Variants in ENOX1 observed in about 807,000 individuals in gnomAD.
The protein encoded by ENOX1 is ecto-NOX disulfide-thiol exchanger 1, also known as candidate growth-related and time keeping constitutive hydroquinone (NADH) oxidase.
Under a neutral mutation model 82.5 loss-of-function variants are expected in ENOX1, and 42 were observed. That is an observed-to-expected ratio of 0.51 (90% CI 0.40 to 0.66). The LOEUF (loss-of-function observed/expected upper bound fraction) is 0.66, where lower values mean the gene tolerates loss of function less well. ENOX1 is among the 30% of genes least tolerant of loss of function. The pLI is 0.00. For synonymous variants in ENOX1, 271 were observed against 282.2 expected (o/e 0.96, Z 0.40); for missense variants, 608 against 811.6 (o/e 0.75, Z 3.05).
intron 2 of ENOX1, among the ~76,000 whole-genome samples, chr13:43,554,555 T>G (rs1178654664): frequency 6.6e-6 from 1 of 152,130 alleles, no homozygotes; most frequent in African/African-American, 2.4e-5. Flanking sequence ...AGTAACTGGT[T>G]TCAAAGCTAG....
chr13:43,247,870 TATATATATATA>T (rs2043206357), intron 14 of ENOX1, among the ~76,000 whole-genome samples: 1 of 2,446 alleles, frequency 4.1e-4, no homozygotes, highest in Non-Finnish European at 8.1e-4. Context: ...TATATATATA[TATATATATATA>T]TATTTTTTTT....
intron 14 of ENOX1, among the ~76,000 whole-genome samples, chr13:43,242,436 G>A (rs12853905): frequency 0.097 from 14,720 of 152,188 alleles, 825 homozygotes; most frequent in Non-Finnish European, 0.13. Flanking sequence ...TTTCATTCTC[G>A]TGGGTTCAGC....
intron 2 of ENOX1, among the ~76,000 whole-genome samples, chr13:43,562,374 C>T (rs899030775): frequency 2.6e-5 from 4 of 151,636 alleles, no homozygotes; most frequent in Admixed American, 6.6e-5. Flanking sequence ...TAAAAAAATA[C>T]AATAGATACA....
chr13:43,463,746 CT>C (rs1324995433), intron 3 of ENOX1, among the ~76,000 whole-genome samples: 1 of 152,152 alleles, frequency 6.6e-6, no homozygotes, highest in Non-Finnish European at 1.5e-5. Context: ...CAATGCTTTT[CT>C]TTTAAACTGG....
chr13:43,387,216 G>T (rs1389143281), intron 5 of ENOX1, among the ~76,000 whole-genome samples: 1 of 152,178 alleles, frequency 6.6e-6, no homozygotes, highest in East Asian at 1.9e-4. Flanking sequence ...TTCAGATTGT[G>T]CTAAGTGCCA....
At chr13:43,273,540 C>T (rs2044820664) in intron 12 of ENOX1, among the ~76,000 whole-genome samples, 1 of 152,170 alleles carries the variant, frequency 6.6e-6, no homozygotes, top group African/African-American at 2.4e-5. Flanking sequence ...TAAGCACCAC[C>T]TCAAATGTTG....
chr13:43,458,567 T>C (rs573285436), intron 3 of ENOX1: 6 of 152,198 alleles, frequency 3.9e-5, no homozygotes, highest in Non-Finnish European at 7.3e-5. Flanking sequence ...TATTGATATA[T>C]TGATTATATT....
At chr13:43,652,036 G>C (rs907059466) in intron 2 of ENOX1, among the ~76,000 whole-genome samples, 16 of 149,954 alleles carry the variant, frequency 1.1e-4, no homozygotes, top group African/African-American at 3.9e-4. Flanking sequence ...TATTCTGTAA[G>C]TGAAGGCCTC....
intron 11 of ENOX1, among the ~76,000 whole-genome samples, chr13:43,309,908 T>A (rs1358366676): frequency 6.6e-6 from 1 of 152,104 alleles, no homozygotes; most frequent in Non-Finnish European, 1.5e-5. Flanking sequence ...AGAGCCTCCT[T>A]AAAAATCCTC....
rs146812251 is a variant in ENOX1, at chr13:43,453,460, A to T, written c.-75+30549T>A. Reference sequence around the variant, plus strand: ...TAGAGATGTTTAGCACTGGGTCATGACAGAGTGGATTTCACCTTTAATGGA... The same window carrying T: ...TAGAGATGTTTAGCACTGGGTCATGTCAGAGTGGATTTCACCTTTAATGGA... On this transcript the variant is annotated intron_variant, in intron 3 of 16. Coordinates refer to ENST00000690772, the MANE Select transcript of ENOX1 (RefSeq NM_001347969.2). 1.0e-3 allele frequency among the ~76,000 whole-genome samples: 153 copies of T among 152,296 alleles called. 1 individual carries two copies. The East Asian group carries it at 0.027, about 26-fold the overall frequency.
intron 12 of ENOX1, among the ~76,000 whole-genome samples, chr13:43,292,213 G>A (rs2046037015): frequency 6.6e-6 from 1 of 152,122 alleles, no homozygotes; most frequent in South Asian, 2.1e-4. Flanking sequence ...AGAAGATACT[G>A]CACCCATAAA....
intron 3 of ENOX1, among the ~76,000 whole-genome samples, chr13:43,479,317 A>G (rs1261433137): frequency 3.2e-5 from 4 of 125,152 alleles, no homozygotes; most frequent in Admixed American, 3.0e-4. Flanking sequence ...CTTGGTGAAA[A>G]GCAAGTGAAA....
At chr13:43,729,264 T>C (rs2089181403) in intron 1 of ENOX1, among the ~76,000 whole-genome samples, 2 of 152,216 alleles carry the variant, frequency 1.3e-5, no homozygotes, top group Admixed American at 6.5e-5. Context: ...TCTATTTAAC[T>C]CAGATTACAC....
In ENOX1 at chr13:43,213,287, A is replaced by G. The variant is rs1170431047; in HGVS notation, c.*703T>C. ...GTTTTTCCTTTATTTACACTTTATG[A>G]AAACTGTTATGCAGTCCATGTTAAA... On this transcript the variant is annotated 3_prime_UTR_variant, in exon 17 of 17. Transcript: ENST00000690772. Among the ~76,000 whole-genome samples, 1 of 152,160 alleles carries G rather than the reference A, an allele frequency of 6.6e-6. No individual in the cohort carries two copies. Among genetic ancestry groups the G allele is most frequent in the Non-Finnish European group, 1.5e-5 (1 of 67,992 alleles).
At chr13:43,558,112 G>C (rs1391919166) in intron 2 of ENOX1, among the ~76,000 whole-genome samples, 1 of 152,188 alleles carries the variant, frequency 6.6e-6, no homozygotes, top group Non-Finnish European at 1.5e-5. Context: ...CTGAGAGCTG[G>C]GAAACCAACC....
At chr13:43,454,396 C>T (rs1459750520) in intron 3 of ENOX1, among the ~76,000 whole-genome samples, 1 of 152,074 alleles carries the variant, frequency 6.6e-6, no homozygotes. Flanking sequence ...GGAAAACTAG[C>T]ACTGTCCAGC....
chr13:43,362,087 T>C (rs2050557038), intron 5 of ENOX1, among the ~76,000 whole-genome samples: 1 of 151,924 alleles, frequency 6.6e-6, no homozygotes, highest in Non-Finnish European at 1.5e-5. Flanking sequence ...ATTGGATAAT[T>C]GCACTTTCTT....
chr13:43,289,479 C>T (rs549324629), intron 12 of ENOX1, among the ~76,000 whole-genome samples: 3 of 152,164 alleles, frequency 2.0e-5, no homozygotes, highest in East Asian at 1.9e-4. Flanking sequence ...GGAAAGGACT[C>T]TCTGTTCAAT....
At chr13:43,225,216 A>C (rs1444590193) in intron 15 of ENOX1, among the ~76,000 whole-genome samples, 2 of 152,174 alleles carry the variant, frequency 1.3e-5, no homozygotes, top group Non-Finnish European at 2.9e-5. Flanking sequence ...AACAGTGGGT[A>C]CTCATGGACA....
Sources: gnomAD v4.1 joint callset for allele counts (sites outside exome capture counted in the v4.1 genomes callset) on GRCh38, gnomAD v4.1.1 for gene constraint, MANE v1.5 for transcripts, NCBI Gene and HGNC (gene_info 2026-07-23, HGNC 2026-07-21) for gene names.